The following RBFOX1 variants were observed in gnomAD, a reference collection of about 807,000 sequenced individuals.
RBFOX1 encodes RNA binding protein fox-1 homolog 1.
In RBFOX1, 8 loss-of-function variants were observed where a neutral mutation model predicts 57.7. The observed-to-expected ratio is 0.14, with a 90% confidence interval of 0.08 to 0.25. RBFOX1 has a LOEUF of 0.25. Ranked by LOEUF, RBFOX1 falls within the 10% of genes least tolerant of loss-of-function variation. RBFOX1 has a pLI of 1.00. For missense variants in RBFOX1, 611 were observed against 548.5 expected (o/e 1.11, Z -1.14); for synonymous variants, 326 against 222.4 (o/e 1.47, Z -4.15).
chr16:6,704,720 G>T (rs1044154543), intron 3 of RBFOX1: 1 of 152,146 alleles, frequency 6.6e-6, no homozygotes, highest in African/African-American at 2.4e-5. Context: ...CAGTATTGCA[G>T]AAATACATGG....
At chr16:5,651,464 C>T (rs949905652) in intron 3 of RBFOX1, among the ~76,000 whole-genome samples, 2 of 152,150 alleles carry the variant, frequency 1.3e-5, no homozygotes, top group African/African-American at 2.4e-5. Flanking sequence ...CAGAATCCTG[C>T]CCCAGGCCAC....
chr16:6,532,302 C>T (rs1198510369), intron 2 of RBFOX1, among the ~76,000 whole-genome samples: 1 of 152,122 alleles, frequency 6.6e-6, no homozygotes, highest in Non-Finnish European at 1.5e-5. Context: ...AAGGAAGCAC[C>T]AACCAGTGAG....
chr16:7,534,290 A>C (rs965527761), intron 5 of RBFOX1, among the ~76,000 whole-genome samples: 1 of 151,304 alleles, frequency 6.6e-6, no homozygotes, highest in Admixed American at 6.6e-5. Context: ...ATGGGGTTTC[A>C]CCATGTTAGC....
At chr16:6,248,995 C>T (rs2097585705) in intron 1 of RBFOX1, among the ~76,000 whole-genome samples, 1 of 152,080 alleles carries the variant, frequency 6.6e-6, no homozygotes, top group Non-Finnish European at 1.5e-5. Flanking sequence ...CAGTCTGCCT[C>T]CATGAGCCGT....
intron 3 of RBFOX1, among the ~76,000 whole-genome samples, chr16:6,845,178 T>G (rs112618815): frequency 3.9e-5 from 6 of 152,296 alleles, no homozygotes; most frequent in African/African-American, 1.2e-4. Context: ...GCTCTTTAGT[T>G]TAATTAGATC....
At chr16:6,067,149 G>T (rs554552597) in intron 1 of RBFOX1, among the ~76,000 whole-genome samples, 14 of 152,262 alleles carry the variant, frequency 9.2e-5, no homozygotes, top group Non-Finnish European at 1.8e-4. Flanking sequence ...GCATTGCTAA[G>T]TTCATGGTGC....
intron 1 of RBFOX1, among the ~76,000 whole-genome samples, chr16:5,458,314 C>A (rs542600244): frequency 6.6e-6 from 1 of 151,636 alleles, no homozygotes; most frequent in Non-Finnish European, 1.5e-5. Flanking sequence ...TATTAGAGCT[C>A]ATGGGAATAA....
intron 3 of RBFOX1, among the ~76,000 whole-genome samples, chr16:6,656,607 C>CAG (rs1211574544): frequency 6.7e-6 from 1 of 150,274 alleles, no homozygotes. Context: ...TAGACACACA[C>CAG]ACACACACAC....
At chr16:7,089,583 C>T (rs181717115) in intron 4 of RBFOX1, among the ~76,000 whole-genome samples, 2 of 152,108 alleles carry the variant, frequency 1.3e-5, no homozygotes, top group African/African-American at 2.4e-5. Context: ...CACACTCTTT[C>T]TCTGAGTTGT....
At position 6,841,279 on chromosome 16, in the gene RBFOX1, G is replaced by C. The variant is rs541376376; in HGVS notation, c.-16+186629G>C. 3.6e-4 allele frequency among the ~76,000 whole-genome samples: 55 copies of C among 152,168 alleles called. No individual in the cohort carries two copies. In the South Asian group the frequency reaches 0.01, roughly 29 times the overall value. On this transcript the variant is annotated intron_variant, in intron 3 of 15. Transcript: ENST00000550418. The stretch of plus-strand genomic sequence containing the variant: ...AGGTTCTTTTGAGAATTCCTTGCGA[G>C]GTTTGATAAGGACATTAGATTTTGT...
chr16:7,119,555 C>A (rs1362677177), intron 4 of RBFOX1, among the ~76,000 whole-genome samples: 1 of 151,902 alleles, frequency 6.6e-6, no homozygotes, highest in Non-Finnish European at 1.5e-5. Flanking sequence ...TGTTTCACTA[C>A]ATATCAAAGT....
intron 2 of RBFOX1, among the ~76,000 whole-genome samples, chr16:6,501,131 C>A (rs200914556): frequency 9.3e-6 from 1 of 107,914 alleles, no homozygotes; most frequent in African/African-American, 3.6e-5. Context: ...GTTAAACATT[C>A]TTTTTTTTTT....
intron 2 of RBFOX1, among the ~76,000 whole-genome samples, chr16:6,400,297 G>A (rs1268650691): frequency 2.6e-5 from 4 of 152,046 alleles, no homozygotes; most frequent in Non-Finnish European, 4.4e-5. Flanking sequence ...TAATTATAAC[G>A]TACCTATAAA....
chr16:6,440,699 G>A (rs536959019), intron 2 of RBFOX1, among the ~76,000 whole-genome samples: 3 of 151,940 alleles, frequency 2.0e-5, no homozygotes, highest in African/African-American at 4.8e-5. Flanking sequence ...TACTTGGGAG[G>A]CTGAGGCAGG....
chr16:5,922,270 G>A (rs986121224), intron 4 of RBFOX1, among the ~76,000 whole-genome samples: 1 of 152,186 alleles, frequency 6.6e-6, no homozygotes, highest in African/African-American at 2.4e-5. Flanking sequence ...CCATCCCCAT[G>A]ATTCAACACC....
intron 3 of RBFOX1, among the ~76,000 whole-genome samples, chr16:6,670,834 A>G (rs2098759710): frequency 6.6e-6 from 1 of 150,642 alleles, no homozygotes; most frequent in Non-Finnish European, 1.5e-5. Flanking sequence ...TGTCTCTACT[A>G]AAAATGCAAA....
intron 3 of RBFOX1, among the ~76,000 whole-genome samples, chr16:6,746,239 T>C (rs953276983): frequency 3.9e-5 from 6 of 152,098 alleles, no homozygotes; most frequent in African/African-American, 1.4e-4. Flanking sequence ...AGCAGGCCTT[T>C]TTTTCAATAA....
chr16:6,641,078 C>A (rs962912942), intron 2 of RBFOX1, among the ~76,000 whole-genome samples: 1 of 152,200 alleles, frequency 6.6e-6, no homozygotes. Flanking sequence ...ACTTCAGTTG[C>A]TTAAATGGAG....
At chr16:6,362,390 G>C (rs540072987) in intron 2 of RBFOX1, among the ~76,000 whole-genome samples, 95 of 152,230 alleles carry the variant, frequency 6.2e-4, no homozygotes, top group Middle Eastern at 3.4e-3. Context: ...TGCTTGGGAA[G>C]TTTTCATAAA....
Sources: gnomAD v4.1 joint callset for allele counts (sites outside exome capture counted in the v4.1 genomes callset) on GRCh38, gnomAD v4.1.1 for gene constraint, MANE v1.5 for transcripts, NCBI Gene and HGNC (gene_info 2026-07-23, HGNC 2026-07-21) for gene names.